KLF12: variants seen among roughly 807,000 people sequenced by gnomAD.
KLF12 encodes the protein KLF transcription factor 12.
In KLF12, 9 loss-of-function variants were observed where a neutral mutation model predicts 37.8. The observed-to-expected ratio is 0.24, with a 90% confidence interval of 0.14 to 0.42. KLF12 has a LOEUF of 0.42. KLF12 is among the 10% of genes least tolerant of loss of function. The pLI, the probability that KLF12 is intolerant of heterozygous loss-of-function variation, is 1.00. For synonymous variants in KLF12, 208 were observed against 202.1 expected, an observed-to-expected ratio of 1.03 and a Z score of -0.25; for missense variants, 411 against 516.0, an observed-to-expected ratio of 0.80 and a Z score of 1.97.
intron 4 of KLF12, among the ~76,000 whole-genome samples, chr13:73,840,438 T>A (rs1884678742): frequency 6.6e-6 from 1 of 152,060 alleles, no homozygotes; most frequent in African/African-American, 2.4e-5. Flanking sequence ...CCAACTCCCA[T>A]CTCAAGCTCT....
At chr13:73,964,179 A>G (rs1023523867) in intron 2 of KLF12, among the ~76,000 whole-genome samples, 5 of 152,220 alleles carry the variant, frequency 3.3e-5, no homozygotes, top group African/African-American at 9.6e-5. Context: ...GTGTGACAGT[A>G]TAACTAGTAA....
intron 7 of KLF12, among the ~76,000 whole-genome samples, chr13:73,710,482 G>C (rs928756385): frequency 3.9e-5 from 5 of 129,594 alleles, no homozygotes; most frequent in Non-Finnish European, 8.2e-5. Context: ...ATTTTCCCAA[G>C]AGCATGTGCT....
At chr13:74,140,020 GATAA>G in the KLF12 span, among the ~76,000 whole-genome samples, 1 of 151,946 alleles carries the variant, frequency 6.6e-6, no homozygotes, top group Non-Finnish European at 1.5e-5. Context: ...AGATAAAACT[GATAA>G]ATAACTATAT....
At chr13:74,240,400 G>A in the KLF12 span, among the ~76,000 whole-genome samples, 1 of 86,426 alleles carries the variant, frequency 1.2e-5, no homozygotes, top group African/African-American at 5.6e-5. Context: ...TTCAACTTTG[G>A]TGAATCTGAC....
chr13:74,218,992 C>T, the KLF12 span, among the ~76,000 whole-genome samples: 9 of 150,002 alleles, frequency 6.0e-5, no homozygotes, highest in East Asian at 2.0e-4. Context: ...GATGGAGCCT[C>T]GCTTTGTCAC....
At chr13:73,811,510 C>G (rs991909171) in intron 5 of KLF12, among the ~76,000 whole-genome samples, 1 of 152,106 alleles carries the variant, frequency 6.6e-6, no homozygotes, top group African/African-American at 2.4e-5. Context: ...AGTACTATTA[C>G]TATTAGTACT....
the KLF12 span, among the ~76,000 whole-genome samples, chr13:74,181,219 C>T: frequency 5.3e-5 from 8 of 151,732 alleles, no homozygotes; most frequent in East Asian, 2.0e-4. Flanking sequence ...AGGCTGGACT[C>T]GAACTCCTGA....
intron 1 of KLF12, among the ~76,000 whole-genome samples, chr13:74,050,364 A>G (rs944205135): frequency 6.6e-6 from 1 of 152,188 alleles, no homozygotes; most frequent in Non-Finnish European, 1.5e-5. Context: ...CTCTCCTACA[A>G]TCTCCCTCCT....
intron 3 of KLF12, among the ~76,000 whole-genome samples, chr13:73,846,821 A>G (rs2138693624): frequency 1.3e-5 from 2 of 152,262 alleles, no homozygotes; most frequent in Admixed American, 1.3e-4. Flanking sequence ...TGAGCATTAA[A>G]AAAGGGCATA....
chr13:74,301,173 G>C, the KLF12 span, among the ~76,000 whole-genome samples: 7,537 of 152,230 alleles, frequency 0.05, 260 homozygotes, highest in Middle Eastern at 0.092. Context: ...ATGAGGAACA[G>C]TACATCTAGA....
chr13:73,754,332 G>C (rs532862313), intron 6 of KLF12, among the ~76,000 whole-genome samples: 1 of 152,164 alleles, frequency 6.6e-6, no homozygotes, highest in African/African-American at 2.4e-5. Context: ...TCTGGAGACT[G>C]GTGCTGCTAC....
intron 1 of KLF12, among the ~76,000 whole-genome samples, chr13:74,062,535 A>G (rs779988924): frequency 6.6e-6 from 1 of 152,198 alleles, no homozygotes; most frequent in Non-Finnish European, 1.5e-5. Flanking sequence ...ATGTTACAAA[A>G]CAATTTTTTT....
chr13:73,845,999 G>A lies in KLF12; in HGVS notation c.498C>T (p.Pro166=), dbSNP rs1244535465. 32 of 1,613,994 alleles carry A rather than the reference G, an allele frequency of 2.0e-5. No individual in the cohort carries two copies. The highest frequency in any genetic ancestry group is 2.5e-5 in the Non-Finnish European group (30 of 1,180,018). The change falls in exon 4 of 8, where the codon CCC becomes CCT. Residue 166 remains proline (P), a synonymous_variant. Transcript: ENST00000377669. ...AATTCATGGGACTTGAAGGCGGTAC[G>A]GGATGGATAATGTGCAAAAACTGCT... is the stretch of plus-strand genomic sequence containing the variant.
the KLF12 span, among the ~76,000 whole-genome samples, chr13:74,271,846 C>T: frequency 6.6e-6 from 1 of 152,166 alleles, no homozygotes; most frequent in Non-Finnish European, 1.5e-5. Flanking sequence ...TTCAAGATGG[C>T]TCTTTGCCCC....
intron 3 of KLF12, among the ~76,000 whole-genome samples, chr13:73,852,930 C>T (rs375613042): frequency 2.4e-4 from 34 of 144,204 alleles, no homozygotes; most frequent in Middle Eastern, 8.1e-3. Context: ...AGTGCAGTGG[C>T]GCGATCTCAG....
intron 4 of KLF12, among the ~76,000 whole-genome samples, chr13:73,833,930 C>A (rs76334017): frequency 0.21 from 31,593 of 152,070 alleles, 3,828 homozygotes; most frequent in East Asian, 0.49. Context: ...CTACACTGGC[C>A]ACACAGCATT....
chr13:74,091,473 T>C (rs978320566), intron 1 of KLF12, among the ~76,000 whole-genome samples: 2 of 152,204 alleles, frequency 1.3e-5, no homozygotes, highest in Non-Finnish European at 2.9e-5. Flanking sequence ...GTGATATGCA[T>C]GTAAGTTTCC....
chr13:74,275,565 T>G, the KLF12 span, among the ~76,000 whole-genome samples: 2 of 152,214 alleles, frequency 1.3e-5, no homozygotes, highest in African/African-American at 4.8e-5. Flanking sequence ...TCCAGAATTT[T>G]TCTTGCATAA....
At chr13:74,245,297 C>CTATCTATG in the KLF12 span, among the ~76,000 whole-genome samples, 210 of 50,346 alleles carry the variant, frequency 4.2e-3, 1 homozygote, top group African/African-American at 0.017. Flanking sequence ...ATAAGTTTAT[C>CTATCTATG]TATCTATCTA....
Sources: allele counts gnomAD v4.1 joint callset (sites outside exome capture counted in the v4.1 genomes callset), GRCh38; gene constraint gnomAD v4.1.1; transcripts MANE v1.5; gene names NCBI Gene and HGNC (gene_info 2026-07-23, HGNC 2026-07-21).